MGST2: variants seen among roughly 807,000 people sequenced by gnomAD.
MGST2 encodes glutathione peroxidase MGST2.
Under a neutral mutation model 16.6 loss-of-function variants are expected in MGST2, and 9 were observed. That is an observed-to-expected ratio of 0.54 (90% CI 0.33 to 0.95). The LOEUF is 0.95. MGST2 is among the 40% of genes least tolerant of loss of function. The pLI, the probability that MGST2 is intolerant of heterozygous loss-of-function variation, is 0.03. For synonymous variants in MGST2, 79 were observed against 68.0 expected, an observed-to-expected ratio of 1.16 and a Z score of -0.79; for missense variants, 159 against 175.1, an observed-to-expected ratio of 0.91 and a Z score of 0.52.
At chr4:139,709,077 T>A (rs1579341105), downstream of MGST2, among the ~76,000 whole-genome samples, 6 of 50,436 alleles carry the variant, frequency 1.2e-4, no homozygotes, top group Non-Finnish European at 2.2e-4. Context: ...AAAAATTTTT[T>A]TTTTTTTTTT....
At chr4:139,691,687 TGA>T (rs59719184) in intron 2 of MGST2, among the ~76,000 whole-genome samples, 4,056 of 146,864 alleles carry the variant, frequency 0.028, 151 homozygotes, top group East Asian at 0.17. Flanking sequence ...ATGATGATGA[TGA>T]TGATGATGAT....
chr4:139,737,087 G>C (rs2111011018), intron 5 of MGST2, among the ~76,000 whole-genome samples: 1 of 152,262 alleles, frequency 6.6e-6, no homozygotes, highest in East Asian at 1.9e-4. Flanking sequence ...CATGACTGAG[G>C]AAGGGCGAGT....
At chr4:139,678,354 C>G (rs970257575) in intron 1 of MGST2, among the ~76,000 whole-genome samples, 189 bp from the exon 2 acceptor site, 2 of 152,210 alleles carry the variant, frequency 1.3e-5, no homozygotes, top group African/African-American at 4.8e-5. Flanking sequence ...TACATTCCCA[C>G]CAGCATTGTA....
At chr4:139,719,766 C>G in intron 5 of MGST2, 3 of 1,613,726 alleles carry the variant, frequency 1.9e-6, no homozygotes, top group Non-Finnish European at 2.5e-6. Flanking sequence ...GGCTGCCCAG[C>G]TTGAAGAGGG....
intron 3 of MGST2, among the ~76,000 whole-genome samples, chr4:139,701,412 C>T (rs998909261): frequency 1.7e-4 from 26 of 152,056 alleles, no homozygotes; most frequent in African/African-American, 5.3e-4. Flanking sequence ...TTGCTTGGTC[C>T]GCTCGTTCCT....
chr4:139,703,197 G>C lies in MGST2; in HGVS notation c.230-258G>C, dbSNP rs116619441. Among the ~76,000 whole-genome samples, 1,273 of 152,110 alleles carry C rather than the reference G, an allele frequency of 8.4e-3. 13 individuals are homozygous for C. Among genetic ancestry groups the C allele is most frequent in the African/African-American group, 0.028 (1,160 of 41,478 alleles). ...CCCCCTCGGCCTCTCAAAGTGTTGG[G>C]AATACAGGCCTGAGCTACCACGTCC... On this transcript the variant is annotated intron_variant, in intron 3 of 4. Coordinates refer to ENST00000265498, the MANE Select transcript of MGST2 (RefSeq NM_002413.5).
chr4:139,693,961 C>T (rs1270823882), intron 2 of MGST2, among the ~76,000 whole-genome samples: 2 of 152,132 alleles, frequency 1.3e-5, no homozygotes, highest in East Asian at 3.9e-4. Flanking sequence ...ATACGTGCTT[C>T]AGGACTCTAC....
At chr4:139,708,338 G>T (rs971275166), downstream of MGST2, among the ~76,000 whole-genome samples, 4 of 152,302 alleles carry the variant, frequency 2.6e-5, no homozygotes, top group Middle Eastern at 3.4e-3. Flanking sequence ...CCCATTGCTT[G>T]TTTTTGTCAG....
At chr4:139,684,091 A>AT (rs1481074864) in intron 2 of MGST2, among the ~76,000 whole-genome samples, 1 of 151,744 alleles carries the variant, frequency 6.6e-6, no homozygotes, top group African/African-American at 2.4e-5. Context: ...TGCCTAGCTA[A>AT]TTTTTTGTAT....
At chr4:139,753,384 C>CTATCTATT in the MGST2 span, among the ~76,000 whole-genome samples, 2 of 147,944 alleles carry the variant, frequency 1.4e-5, no homozygotes, top group Non-Finnish European at 3.0e-5. Context: ...ATCTATCTAT[C>CTATCTATT]TATTTTTTGT....
chr4:139,704,305 G>A (rs763114900), downstream of MGST2: 5 of 984,236 alleles, frequency 5.1e-6, no homozygotes, highest in Non-Finnish European at 7.5e-6. Context: ...TTTAAGAACT[G>A]AAATTTGCTT....
At chr4:139,747,265 G>A in the MGST2 span, among the ~76,000 whole-genome samples, 4 of 152,172 alleles carry the variant, frequency 2.6e-5, no homozygotes, top group African/African-American at 9.7e-5. Context: ...AGTTTGTGGC[G>A]CCGGTGGGAG....
At chr4:139,747,007 G>T in the MGST2 span, among the ~76,000 whole-genome samples, 2 of 152,164 alleles carry the variant, frequency 1.3e-5, no homozygotes. Flanking sequence ...AAGGCTTGCA[G>T]CAATTGCTTC....
chr4:139,666,301 G>A (rs1194925486), intron 1 of MGST2, among the ~76,000 whole-genome samples: 2 of 152,052 alleles, frequency 1.3e-5, no homozygotes, highest in Non-Finnish European at 2.9e-5. Context: ...GAACATTCCA[G>A]AGATTAGTTC....
At chr4:139,745,196 T>C (rs1560780048), downstream of MGST2, among the ~76,000 whole-genome samples, 2 of 152,020 alleles carry the variant, frequency 1.3e-5, no homozygotes, top group African/African-American at 4.8e-5. Context: ...AGTTGGGGTG[T>C]TTGCTGGGAT....
intron 5 of MGST2, among the ~76,000 whole-genome samples, chr4:139,716,541 C>T (rs955989611): frequency 6.8e-6 from 1 of 148,094 alleles, no homozygotes; most frequent in African/African-American, 2.6e-5. Flanking sequence ...CCACATCCTT[C>T]AGAGTGCGGC....
At chr4:139,676,986 A>T (rs1427294841) in intron 1 of MGST2, among the ~76,000 whole-genome samples, 1 of 152,132 alleles carries the variant, frequency 6.6e-6, no homozygotes, top group Non-Finnish European at 1.5e-5. Context: ...AACACTTACC[A>T]TCTATTTTCT....
At chr4:139,684,862 T>G (rs992975987) in intron 2 of MGST2, among the ~76,000 whole-genome samples, 1 of 152,156 alleles carries the variant, frequency 6.6e-6, no homozygotes, top group Non-Finnish European at 1.5e-5. Flanking sequence ...CAGTCTCTGG[T>G]TCTGTTTCTC....
At chr4:139,730,337 A>C (rs1309140869) in intron 5 of MGST2, 3 of 1,303,722 alleles carry the variant, frequency 2.3e-6, no homozygotes, top group Middle Eastern at 1.8e-4. Flanking sequence ...GTGAACTGCC[A>C]CTTCCTCACA....
Sources: gnomAD v4.1 joint callset for allele counts (sites outside exome capture counted in the v4.1 genomes callset) on GRCh38, gnomAD v4.1.1 for gene constraint, MANE v1.5 for transcripts, NCBI Gene and HGNC (gene_info 2026-07-23, HGNC 2026-07-21) for gene names.